ANKS1B: variants seen among roughly 807,000 people sequenced by gnomAD.
ANKS1B encodes ankyrin repeat and sterile alpha motif domain-containing protein 1B.
A neutral mutation model predicts 148.3 loss-of-function variants in ANKS1B; 36 were observed. The observed-to-expected ratio is 0.24, with a 90% CI of 0.19 to 0.32. The LOEUF (loss-of-function observed/expected upper bound fraction) is 0.32, where lower values mean the gene tolerates loss of function less well. Among genes scored for constraint, ANKS1B ranks in the 10% least tolerant of loss-of-function variants. The probability of loss-of-function intolerance (pLI) is 1.00; values close to 1 mark genes in which losing one functional copy is unlikely to be tolerated. For synonymous variants in ANKS1B, 542 were observed against 560.8 expected, an observed-to-expected ratio of 0.97 and a Z score of 0.47; for missense variants, 1,157 against 1,542.6, an observed-to-expected ratio of 0.75 and a Z score of 4.19.
chr12:99,278,091 C>T (rs2077911540), intron 12 of ANKS1B, among the ~76,000 whole-genome samples: 1 of 152,200 alleles, frequency 6.6e-6, no homozygotes, highest in African/African-American at 2.4e-5. Flanking sequence ...TTCCCTTCCA[C>T]AGAATGGAGC....
intron 1 of ANKS1B, among the ~76,000 whole-genome samples, chr12:99,839,650 T>C (rs1313424436): frequency 6.6e-6 from 1 of 152,148 alleles, no homozygotes; most frequent in Non-Finnish European, 1.5e-5. Context: ...CTAAATGTTT[T>C]CTAAATATTA....
Position 99,777,991 on chromosome 12 carries a change from G to C in ANKS1B, c.847+1880C>G, listed in dbSNP as rs376528520. Among the ~76,000 whole-genome samples the C allele has an allele frequency of 3.3e-5, 5 of 151,558 alleles. No individual in the cohort carries two copies. In the South Asian group the frequency reaches 8.5e-4, roughly 26 times the overall value. The stretch of plus-strand genomic sequence containing the variant: ...AGGCGGGTGGCCCACAAAGTCAGGA[G>C]ATCAAGACCATCCTGGCTAACATCG... On this transcript the variant is annotated intron_variant, in intron 6 of 26. Coordinates refer to ENST00000683438, the MANE Select transcript of ANKS1B (RefSeq NM_001352186.2).
At chr12:98,974,849 TTCCC>T (rs900896792) in intron 17 of ANKS1B, among the ~76,000 whole-genome samples, 1 of 151,734 alleles carries the variant, frequency 6.6e-6, no homozygotes, top group African/African-American at 2.4e-5. Context: ...TCTTCCAGCT[TTCCC>T]TCCCTCTTTT....
chr12:99,083,303 A>G (rs2153622938), intron 16 of ANKS1B, among the ~76,000 whole-genome samples: 1 of 152,300 alleles, frequency 6.6e-6, no homozygotes, highest in South Asian at 2.1e-4. Context: ...AATCTCAAAT[A>G]TCCAGGTGTA....
intron 1 of ANKS1B, among the ~76,000 whole-genome samples, chr12:99,866,225 A>C (rs1005727250): frequency 1.3e-5 from 2 of 152,220 alleles, no homozygotes; most frequent in African/African-American, 4.8e-5. Context: ...ATAAGGAATT[A>C]AAGCCATTTT....
chr12:99,334,482 CTT>C (rs749040171), intron 12 of ANKS1B, among the ~76,000 whole-genome samples: 3 of 152,034 alleles, frequency 2.0e-5, no homozygotes, highest in Non-Finnish European at 4.4e-5. Context: ...TCCACCCACT[CTT>C]GAGTGGAACA....
chr12:99,617,229 T>G lies in ANKS1B; in HGVS notation c.1272+37838A>C, dbSNP rs187930737. 9.8e-5 allele frequency among the ~76,000 whole-genome samples: 15 copies of G among 152,330 alleles called. 2 individuals are homozygous for G. The East Asian group carries it at 2.7e-3, about 27-fold the overall frequency. ...TTAGTTCAACCATTGTGGAAGACAG[T>G]GCAGCAATTCCTCAATGATATAAAA... On this transcript the variant is annotated intron_variant, in intron 9 of 26. Transcript: ENST00000683438.
At chr12:99,967,410 T>C (rs985793899) in intron 1 of ANKS1B, among the ~76,000 whole-genome samples, 13 of 152,094 alleles carry the variant, frequency 8.5e-5, no homozygotes, top group Admixed American at 2.6e-4. Flanking sequence ...ACTCGGAATT[T>C]TTCCATTACG....
chr12:99,786,994 T>G (rs1197910192), intron 4 of ANKS1B, among the ~76,000 whole-genome samples: 2 of 152,126 alleles, frequency 1.3e-5, no homozygotes, highest in Non-Finnish European at 2.9e-5. Context: ...AGAATAATTA[T>G]CAAAATTGAC....
intron 17 of ANKS1B, among the ~76,000 whole-genome samples, chr12:98,957,336 T>TATTC (rs1425581220): frequency 4.0e-5 from 6 of 148,430 alleles, no homozygotes; most frequent in Non-Finnish European, 7.4e-5. Flanking sequence ...TTTATTTATT[T>TATTC]ATTTATTTAT....
chr12:99,883,236 T>A (rs571461708), intron 1 of ANKS1B, among the ~76,000 whole-genome samples: 1 of 152,258 alleles, frequency 6.6e-6, no homozygotes, highest in African/African-American at 2.4e-5. Context: ...CCTACAAAAG[T>A]ATGATCAATG....
intron 8 of ANKS1B, among the ~76,000 whole-genome samples, chr12:99,771,609 A>G (rs577070536): frequency 6.6e-6 from 1 of 152,138 alleles, no homozygotes. Context: ...TTGTCCCAAC[A>G]TTAAAGTTAC....
chr12:98,972,159 C>G (rs1437329261), intron 17 of ANKS1B, among the ~76,000 whole-genome samples: 2 of 151,130 alleles, frequency 1.3e-5, no homozygotes. Flanking sequence ...CACAGCGAGA[C>G]TCTGTCTCAA....
At position 99,192,009 on chromosome 12, in the gene ANKS1B, G is replaced by C. The variant is rs147686128; in HGVS notation, c.2420-37614C>G. 4.4e-3 allele frequency among the ~76,000 whole-genome samples: 663 copies of C among 151,692 alleles called. 26 individuals are homozygous for C. The East Asian group carries it at 0.087, about 20-fold the overall frequency. ...TAGCTGGGCGTGGTGGCAGGCAACT[G>C]TAACCCCAGCTACTCAGGAGGCTAA... On this transcript the variant is annotated intron_variant, in intron 14 of 26. Coordinates refer to ENST00000683438, the MANE Select transcript of ANKS1B (RefSeq NM_001352186.2).
At chr12:98,984,272 T>C (rs1021384668) in intron 17 of ANKS1B, among the ~76,000 whole-genome samples, 49 of 152,228 alleles carry the variant, frequency 3.2e-4, no homozygotes, top group African/African-American at 1.2e-3. Context: ...CTTTTGATAT[T>C]TCTGAGTTTT....
At chr12:99,174,963 C>A (rs1387268767) in intron 14 of ANKS1B, among the ~76,000 whole-genome samples, 1 of 152,050 alleles carries the variant, frequency 6.6e-6, no homozygotes, top group Admixed American at 6.6e-5. Flanking sequence ...AAAACTGATG[C>A]TCAATGAAGG....
rs187591302 is a variant in ANKS1B, at chr12:99,817,535, G to A, written c.216-5224C>T. On this transcript the variant is annotated intron_variant, in intron 2 of 26. Transcript: ENST00000683438. Reference sequence around the variant, plus strand: ...TTTTTTTTGGATATGTACCCAGCAGGGGCATTGTGAAATCATATAGTAATT... The same window carrying A: ...TTTTTTTTGGATATGTACCCAGCAGAGGCATTGTGAAATCATATAGTAATT... 7.3e-5 allele frequency among the ~76,000 whole-genome samples: 11 copies of A among 151,652 alleles called. No individual in the cohort carries two copies. In the East Asian group the frequency reaches 2.1e-3, roughly 29 times the overall value.
intron 9 of ANKS1B, among the ~76,000 whole-genome samples, chr12:99,522,149 G>A (rs982106306): frequency 3.3e-5 from 5 of 152,106 alleles, no homozygotes; most frequent in Non-Finnish European, 7.3e-5. Context: ...CCTGATTATG[G>A]ATCCTAGACT....
At chr12:99,763,209 T>C (rs1026242722) in intron 8 of ANKS1B, among the ~76,000 whole-genome samples, 8 of 152,114 alleles carry the variant, frequency 5.3e-5, no homozygotes, top group South Asian at 4.1e-4. Context: ...ATTGCAGCAC[T>C]TTTCACAACA....
Sources: gnomAD v4.1 joint callset for allele counts (sites outside exome capture counted in the v4.1 genomes callset) on GRCh38, gnomAD v4.1.1 for gene constraint, MANE v1.5 for transcripts, NCBI Gene and HGNC (gene_info 2026-07-23, HGNC 2026-07-21) for gene names.